The following SIK3 variants were observed in gnomAD, a reference collection of about 807,000 sequenced individuals.
The protein encoded by SIK3 is SIK family kinase 3, also known as serine/threonine-protein kinase SIK3.
Under a neutral mutation model 144.2 loss-of-function variants are expected in SIK3, and 28 were observed. The observed-to-expected ratio is 0.19, with a 90% CI of 0.14 to 0.27. The LOEUF is 0.27. Ranked by LOEUF, SIK3 falls within the 10% of genes least tolerant of loss-of-function variation. SIK3 has a pLI of 1.00. For missense variants in SIK3, 1,319 were observed against 1,776.0 expected (o/e 0.74, Z 4.62); for synonymous variants, 686 against 676.3 (o/e 1.01, Z -0.22).
chr11:117,073,068 G>A (rs1161699631), intron 1 of SIK3, among the ~76,000 whole-genome samples: 1 of 152,054 alleles, frequency 6.6e-6, no homozygotes, highest in African/African-American at 2.4e-5. Flanking sequence ...CCAGGTCCTG[G>A]CTACTACCAG....
intron 4 of SIK3, among the ~76,000 whole-genome samples, chr11:116,901,186 T>C (rs1044123760): frequency 5.3e-5 from 8 of 152,224 alleles, no homozygotes; most frequent in Admixed American, 1.3e-4. Flanking sequence ...TTATACTTAA[T>C]TGTATTGTGT....
At chr11:116,927,166 C>A in intron 4 of SIK3, 53 bp downstream of exon 4, 1 of 1,367,782 alleles carries the variant, frequency 7.3e-7, no homozygotes, top group Non-Finnish European at 1.0e-6. Context: ...GCTTATAGAA[C>A]CCCAAGGAAA....
intron 1 of SIK3, among the ~76,000 whole-genome samples, chr11:117,052,162 GAAAGA>G (rs1953280685): frequency 6.6e-6 from 1 of 152,010 alleles, no homozygotes; most frequent in Non-Finnish European, 1.5e-5. Context: ...AAAAAGAAAG[GAAAGA>G]AATCTCTCTC....
chr11:116,988,870 A>C (rs1048197439), intron 1 of SIK3, among the ~76,000 whole-genome samples: 21 of 151,336 alleles, frequency 1.4e-4, no homozygotes, highest in African/African-American at 5.1e-4. Context: ...AGGAGTACAA[A>C]ACTTCACTGA....
At chr11:116,877,858 AC>A (rs1944337998) in intron 6 of SIK3, among the ~76,000 whole-genome samples, 1 of 152,220 alleles carries the variant, frequency 6.6e-6, no homozygotes, top group South Asian at 2.1e-4. Flanking sequence ...CCAAAACAGC[AC>A]TATTGATGCA....
intron 4 of SIK3, among the ~76,000 whole-genome samples, chr11:116,914,090 T>A: frequency 6.7e-6 from 1 of 149,802 alleles, no homozygotes; most frequent in African/African-American, 2.5e-5. Context: ...AGATTAAAGC[T>A]AATAGGAAAC....
intron 1 of SIK3, among the ~76,000 whole-genome samples, chr11:117,011,645 T>C (rs1374524046): frequency 6.6e-6 from 1 of 152,130 alleles, no homozygotes; most frequent in East Asian, 1.9e-4. Context: ...AGGATTCACA[T>C]AAAAAATTCT....
At chr11:116,916,732 G>C (rs1315917565) in intron 4 of SIK3, among the ~76,000 whole-genome samples, 6 of 150,536 alleles carry the variant, frequency 4.0e-5, no homozygotes, top group African/African-American at 9.7e-5. Flanking sequence ...GGATGGTCTC[G>C]ATCTCCTGAC....
At chr11:117,007,927 T>C (rs1436368927) in intron 1 of SIK3, among the ~76,000 whole-genome samples, 4 of 151,538 alleles carry the variant, frequency 2.6e-5, no homozygotes, top group African/African-American at 9.7e-5. Context: ...CTACTAAAAA[T>C]ACAAAAATTA....
chr11:117,077,483 G>C (rs1025133261), intron 1 of SIK3, among the ~76,000 whole-genome samples: 15 of 152,140 alleles, frequency 9.9e-5, no homozygotes, highest in Admixed American at 6.6e-4. Context: ...ACAGAAATTT[G>C]CTGACTCTTT....
At chr11:117,021,129 T>C (rs1043783584) in intron 1 of SIK3, among the ~76,000 whole-genome samples, 16 of 152,194 alleles carry the variant, frequency 1.1e-4, no homozygotes, top group African/African-American at 3.6e-4. Flanking sequence ...CCCACACATT[T>C]GGTCACAGAA....
chr11:116,912,738 A>C (rs2134971777), intron 4 of SIK3, among the ~76,000 whole-genome samples: 1 of 152,352 alleles, frequency 6.6e-6, no homozygotes, highest in African/African-American at 2.4e-5. Context: ...TCATGTTTTC[A>C]AAGCTAAAAG....
intron 5 of SIK3, 107 bp downstream of exon 5, chr11:116,897,086 A>G: frequency 1.7e-6 from 2 of 1,156,778 alleles, no homozygotes; most frequent in Non-Finnish European, 2.4e-6. Flanking sequence ...ACAGGTGACC[A>G]GGATCTCAAT....
Position 116,873,762 on chromosome 11 carries a change from C to T in SIK3, c.1582-126G>A, listed in dbSNP as rs536836165. The T allele has an allele frequency of 2.1e-5, 31 of 1,462,952 alleles. No homozygotes were observed. In the African/African-American group the frequency reaches 2.3e-4, roughly 11 times the overall value. 90.6% of individuals were successfully genotyped at this position (1,462,952 alleles called of 1,614,324 possible). ...ATGACAGAGACTAGAGGACGCTTCC[C>T]GCTCACCCGAGCTACTTTGCAAGAT... On this transcript the variant is annotated intron_variant, in intron 12 of 24. Transcript: ENST00000445177.
chr11:116,985,851 C>T (rs1950308709), intron 1 of SIK3, among the ~76,000 whole-genome samples: 1 of 152,042 alleles, frequency 6.6e-6, no homozygotes, highest in African/African-American at 2.4e-5. Flanking sequence ...CAAAAAGGTC[C>T]TCATTTTTCC....
chr11:117,091,982 T>C (rs1955267994), intron 1 of SIK3, among the ~76,000 whole-genome samples: 2 of 151,912 alleles, frequency 1.3e-5, no homozygotes, highest in African/African-American at 4.8e-5. Context: ...GGGATCTCAC[T>C]ATGTTGCCCA....
chr11:116,889,956 T>TA (rs1474839108), intron 6 of SIK3, among the ~76,000 whole-genome samples: 3 of 152,188 alleles, frequency 2.0e-5, no homozygotes, highest in African/African-American at 7.2e-5. Context: ...CAAATGTAAT[T>TA]ATTTGATATT....
chr11:117,005,963 G>A (rs1365390938), intron 1 of SIK3, among the ~76,000 whole-genome samples: 1 of 152,040 alleles, frequency 6.6e-6, no homozygotes, highest in Non-Finnish European at 1.5e-5. Context: ...CAAGAATACA[G>A]GAAGGAAGAA....
chr11:116,995,505 C>T (rs1352474024), intron 1 of SIK3, among the ~76,000 whole-genome samples: 1 of 151,982 alleles, frequency 6.6e-6, no homozygotes, highest in East Asian at 2.0e-4. Flanking sequence ...TCAAGGCATC[C>T]ACCCACCTCA....
Sources: allele counts gnomAD v4.1 joint callset (sites outside exome capture counted in the v4.1 genomes callset), GRCh38; gene constraint gnomAD v4.1.1; transcripts MANE v1.5; gene names NCBI Gene and HGNC (gene_info 2026-07-23, HGNC 2026-07-21).